Variants in TNKS observed in about 807,000 individuals in gnomAD.
The protein encoded by TNKS is tankyrase.
A neutral mutation model predicts 135.8 loss-of-function variants in TNKS; 72 were observed. The ratio of observed to expected loss-of-function variants is 0.53; its 90% CI spans 0.44 to 0.64. TNKS has a LOEUF of 0.64. Among genes scored for constraint, TNKS ranks in the 30% least tolerant of loss-of-function variants. TNKS has a pLI of 0.00. For missense variants in TNKS, 1,769 were observed against 1,674.0 expected (o/e 1.06, Z -0.99); for synonymous variants, 849 against 649.3 (o/e 1.31, Z -4.68).
At chr8:9,707,918 G>A (rs903516137) in intron 8 of TNKS, among the ~76,000 whole-genome samples, 10 of 152,198 alleles carry the variant, frequency 6.6e-5, no homozygotes, top group Non-Finnish European at 1.3e-4. Flanking sequence ...GTAGTAGCAA[G>A]AGTAGTGACA....
At chr8:9,629,856 G>T (rs1800217148) in intron 3 of TNKS, among the ~76,000 whole-genome samples, 1 of 152,060 alleles carries the variant, frequency 6.6e-6, no homozygotes, top group Non-Finnish European at 1.5e-5. Context: ...CTAATTTTTT[G>T]TATTTTTAGT....
chr8:9,765,810 G>A lies in TNKS; in HGVS notation c.3553+13G>A, dbSNP rs1475747932. Reference sequence around the variant, plus strand: ...ATGTTGTTTCATGGTAAGCAGCGTGGCAGGGACGGTGGACGTCTCCCTGGG... The same window carrying A: ...ATGTTGTTTCATGGTAAGCAGCGTGACAGGGACGGTGGACGTCTCCCTGGG... On this transcript the variant is annotated intron_variant, in intron 24 of 26. Transcript: ENST00000310430. 1 of 1,610,740 alleles carries A rather than the reference G, an allele frequency of 6.2e-7. No homozygotes were observed.
chr8:9,720,513 T>C lies in TNKS; in HGVS notation c.1889T>C (p.Met630Thr), dbSNP rs1453407928. Residue 630 changes from methionine to threonine, a missense_variant, in exon 12 of 27, where the codon ATG (methionine) becomes ACG (threonine). This residue lies in a region of TNKS where 523 missense variants were observed against 541.0 expected (regional missense o/e 0.97). Transcript: ENST00000310430. ...TTACAAGGCTTCACAGCAGCACAGA[T>C]GGGCAATGAAGCAGTGCAGCAGATT... ...ISLQGFTAAQ[M>T]GNEAVQQILS... is the part of the protein sequence containing the mutation. The C allele has an allele frequency of 6.2e-7, 1 of 1,614,022 alleles. No individual in the cohort carries two copies. Among genetic ancestry groups the C allele is most frequent in the Non-Finnish European group, 8.5e-7 (1 of 1,179,954 alleles).
chr8:9,570,591 G>A (rs900345652), intron 1 of TNKS, among the ~76,000 whole-genome samples: 6 of 152,158 alleles, frequency 3.9e-5, no homozygotes, highest in Admixed American at 2.0e-4. Context: ...ACCTCTACCT[G>A]GCAACCTTTA....
At chr8:9,694,317 A>C (rs1382318812) in intron 5 of TNKS, among the ~76,000 whole-genome samples, 1 of 152,190 alleles carries the variant, frequency 6.6e-6, no homozygotes, top group Non-Finnish European at 1.5e-5. Flanking sequence ...TTAAGCCTTT[A>C]AAACATAAAA....
chr8:9,631,463 A>G (rs559660997), intron 3 of TNKS, among the ~76,000 whole-genome samples: 1 of 152,364 alleles, frequency 6.6e-6, no homozygotes, highest in East Asian at 1.9e-4. Context: ...CTATAAAATA[A>G]GTTATCTAGT....
rs1804249033 is a variant in TNKS, at chr8:9,710,136, C to G, written c.1671-6C>G. 1 of 1,613,978 alleles carries G rather than the reference C, an allele frequency of 6.2e-7. No individual in the cohort carries two copies. The highest frequency in any genetic ancestry group is 8.5e-7 in the Non-Finnish European group (1 of 1,179,882). On this transcript the variant is annotated splice_polypyrimidine_tract_variant and splice_region_variant and intron_variant, in intron 10 of 26. Transcript: ENST00000310430. ...TTACCTTTTCTTTCTTTCCTCTTTT[C>G]TGTAGTTTCATGACTCCCCTGCATG... is the stretch of plus-strand genomic sequence containing the variant.
intron 2 of TNKS, among the ~76,000 whole-genome samples, chr8:9,605,883 A>G (rs189524666): frequency 1.3e-5 from 2 of 152,134 alleles, no homozygotes; most frequent in East Asian, 3.9e-4. Flanking sequence ...TTTCTTCTAG[A>G]TTGTGTTTTG....
intron 2 of TNKS, among the ~76,000 whole-genome samples, chr8:9,588,093 A>C (rs1389690873): frequency 6.6e-6 from 1 of 152,198 alleles, no homozygotes; most frequent in East Asian, 1.9e-4. Context: ...TTGTTTCTGA[A>C]GTATTTTGAG....
At chr8:9,771,678 GGAGAGAGAGA>G (rs372358789) in intron 26 of TNKS, among the ~76,000 whole-genome samples, 5 of 113,032 alleles carry the variant, frequency 4.4e-5, no homozygotes, top group African/African-American at 7.6e-5. Flanking sequence ...AGGAAGGGAG[GGAGAGAGAGA>G]GAGAGAGAGA....
chr8:9,678,035 C>T (rs1444754865), intron 3 of TNKS, among the ~76,000 whole-genome samples: 2 of 152,150 alleles, frequency 1.3e-5, no homozygotes, highest in Admixed American at 1.3e-4. Context: ...GGTAAGCTCT[C>T]TAACATTTCA....
chr8:9,710,270 C>T (rs760455046), intron 11 of TNKS, 50 bp downstream of exon 11: 7 of 1,540,266 alleles, frequency 4.5e-6, no homozygotes, highest in Non-Finnish European at 5.4e-6. Flanking sequence ...GAGCAGCCAG[C>T]TGCTCTTAAC....
intron 17 of TNKS, among the ~76,000 whole-genome samples, chr8:9,743,081 G>T (rs35435260): frequency 0.1 from 15,253 of 152,094 alleles, 1,194 homozygotes; most frequent in Admixed American, 0.23. Flanking sequence ...TGATTATGTT[G>T]TATTCGTCCC....
intron 20 of TNKS, among the ~76,000 whole-genome samples, chr8:9,756,147 C>G (rs1585423129): frequency 6.6e-6 from 1 of 152,004 alleles, no homozygotes. Flanking sequence ...TATGGTTAAC[C>G]TATGTATTTT....
intron 1 of TNKS, 183 bp downstream of exon 1, chr8:9,556,795 G>T: frequency 4.4e-6 from 2 of 454,072 alleles, no homozygotes; most frequent in South Asian, 2.2e-5. Context: ...GCGTGGTTGG[G>T]GGGGATAAGT....
At chr8:9,714,960 AC>A (rs1178762323) in intron 11 of TNKS, among the ~76,000 whole-genome samples, 1 of 152,214 alleles carries the variant, frequency 6.6e-6, no homozygotes, top group Non-Finnish European at 1.5e-5. Flanking sequence ...AGGAGCAAGT[AC>A]GGTCCCTGGT....
At position 9,774,063 on chromosome 8, in the gene TNKS, A is replaced by AGAT. The variant is rs200280932; in HGVS notation, c.3898-2586_3898-2584dup. Among the ~76,000 whole-genome samples, 671 of 152,304 alleles carry AGAT rather than the reference A, an allele frequency of 4.4e-3. 6 individuals are homozygous for AGAT. Among genetic ancestry groups the AGAT allele is most frequent in the African/African-American group, 0.015 (620 of 41,574 alleles). On this transcript the variant is annotated intron_variant, in intron 26 of 26. Transcript: ENST00000310430. ...AATGTTTCTTTCTTGAAGATTGAAA[A>AGAT]GATATATTGAAGGTTAACTGAACTG...
At chr8:9,661,275 A>G (rs1466070593) in intron 3 of TNKS, among the ~76,000 whole-genome samples, 4 of 152,208 alleles carry the variant, frequency 2.6e-5, no homozygotes, top group Admixed American at 6.5e-5. Context: ...TGCATTGCCA[A>G]GTCAATCCTA....
At chr8:9,771,356 G>GAGAGAGAGAGGAAGGGAGGGAGGGAA (rs2128841016) in intron 26 of TNKS, among the ~76,000 whole-genome samples, 1 of 110,514 alleles carries the variant, frequency 9.0e-6, no homozygotes, top group African/African-American at 3.1e-5. Flanking sequence ...AGCAGGGAGG[G>GAGAGAGAGAGGAAGGGAGGGAGGGAA]AGAGAGAGAG....
Sources: gnomAD v4.1 joint callset for allele counts (sites outside exome capture counted in the v4.1 genomes callset) on GRCh38, gnomAD v4.1.1 for gene constraint, gnomAD v4.1.1 regional missense constraint, MANE v1.5 for transcripts, NCBI Gene and HGNC (gene_info 2026-07-23, HGNC 2026-07-21) for gene names.